Variants in FAM117B observed in about 807,000 individuals in gnomAD.
FAM117B encodes the protein protein FAM117B.
In FAM117B, 22 loss-of-function variants were observed where a neutral mutation model predicts 52.8. The ratio of observed to expected loss-of-function variants is 0.42; its 90% confidence interval spans 0.30 to 0.59. The LOEUF is 0.59. Ranked by LOEUF, FAM117B falls within the 20% of genes least tolerant of loss-of-function variation. The pLI, the probability that FAM117B is intolerant of heterozygous loss-of-function variation, is 0.22. For missense variants in FAM117B, 678 were observed against 802.6 expected, an observed-to-expected ratio of 0.84 and a Z score of 1.88; for synonymous variants, 309 against 324.1, an observed-to-expected ratio of 0.95 and a Z score of 0.50.
At chr2:202,703,775 C>G (rs938184481) in intron 2 of FAM117B, among the ~76,000 whole-genome samples, 6 of 152,180 alleles carry the variant, frequency 3.9e-5, no homozygotes, top group African/African-American at 1.4e-4. Flanking sequence ...AACAATGCTG[C>G]AGTGTACATG....
intron 1 of FAM117B, among the ~76,000 whole-genome samples, chr2:202,686,812 A>G (rs544091614): frequency 3.8e-4 from 58 of 152,216 alleles, no homozygotes; most frequent in African/African-American, 1.3e-3. Context: ...GGTCAAAAAA[A>G]AAAAAAGAGG....
chr2:202,697,860 T>TTTTTTA (rs1225207244), intron 2 of FAM117B, among the ~76,000 whole-genome samples: 4 of 151,294 alleles, frequency 2.6e-5, no homozygotes, highest in African/African-American at 4.9e-5. Flanking sequence ...CGAGATAATG[T>TTTTTTA]TTTTTATTTT....
At chr2:202,722,007 A>ATTTTTT (rs57678317) in intron 2 of FAM117B, among the ~76,000 whole-genome samples, 2 of 128,606 alleles carry the variant, frequency 1.6e-5, no homozygotes, top group Non-Finnish European at 3.3e-5. Context: ...TAAAGATACA[A>ATTTTTT]TTTTTTTTTT....
intron 4 of FAM117B, among the ~76,000 whole-genome samples, chr2:202,735,647 C>T (rs1691426430): frequency 1.3e-5 from 2 of 152,116 alleles, no homozygotes; most frequent in African/African-American, 2.4e-5. Context: ...GAAAATATAG[C>T]CAACACATTT....
chr2:202,720,514 T>C (rs1342830821), intron 2 of FAM117B, among the ~76,000 whole-genome samples: 3 of 151,994 alleles, frequency 2.0e-5, no homozygotes, highest in Non-Finnish European at 4.4e-5. Flanking sequence ...ATTTTCTATA[T>C]AGCTACAACA....
chr2:202,752,859 T>C lies in FAM117B; in HGVS notation c.961-2679T>C, dbSNP rs771027479. Among the ~76,000 whole-genome samples the C allele has an allele frequency of 1.8e-4, 27 of 152,214 alleles. 1 individual carries two copies. Among genetic ancestry groups the C allele is most frequent in the Non-Finnish European group, 3.2e-4 (22 of 68,032 alleles). ...AAGTAATACTGTGACAATAAAAACA[T>C]TTTTAATTTAAAAATCTCTACATAG... On this transcript the variant is annotated intron_variant, in intron 4 of 7. Transcript: ENST00000392238.
intron 2 of FAM117B, among the ~76,000 whole-genome samples, chr2:202,704,205 TAAAGA>T (rs1371577831): frequency 6.6e-6 from 1 of 152,146 alleles, no homozygotes; most frequent in African/African-American, 2.4e-5. Flanking sequence ...GAAGATTAAA[TAAAGA>T]AAACATATAA....
intron 1 of FAM117B, among the ~76,000 whole-genome samples, chr2:202,646,087 C>G (rs1387504836): frequency 6.8e-6 from 1 of 148,068 alleles, no homozygotes; most frequent in Non-Finnish European, 1.5e-5. Context: ...AGTGCAGTGG[C>G]ACTATCTTGG....
At chr2:202,667,876 A>T (rs1690229238) in intron 1 of FAM117B, among the ~76,000 whole-genome samples, 1 of 151,802 alleles carries the variant, frequency 6.6e-6, no homozygotes, top group Admixed American at 6.6e-5. Flanking sequence ...AGAGTAGTGG[A>T]TTGAGGTTAT....
rs112460462 is a variant in FAM117B, at chr2:202,768,811, C to T, written c.*3047C>T. 12 of 152,146 alleles carry T rather than the reference C, an allele frequency of 7.9e-5. 1 individual carries two copies. Among genetic ancestry groups the T allele is most frequent in the African/African-American group, 2.9e-4 (12 of 41,530 alleles). The allele number at this position is 152,146 out of a possible 1,614,324, so 9.4% of individuals were successfully genotyped here. ...ATTTTATAAAAATTTATTTCCATTG[C>T]ATTAAAAGAAATGGGTAGCATGTGT... On this transcript the variant is annotated 3_prime_UTR_variant, in exon 8 of 8. Transcript: ENST00000392238.
intron 4 of FAM117B, among the ~76,000 whole-genome samples, chr2:202,740,217 G>A (rs753929789): frequency 1.2e-4 from 14 of 113,470 alleles, no homozygotes; most frequent in South Asian, 2.9e-4. Context: ...CAAATTAGCC[G>A]AGTGTGGTGG....
intron 2 of FAM117B, among the ~76,000 whole-genome samples, chr2:202,724,080 C>T (rs1176216971): frequency 8.1e-5 from 6 of 74,514 alleles, no homozygotes; most frequent in Admixed American, 6.5e-4. Context: ...TTTTTTGAGA[C>T]GGAGCCTCCC....
chr2:202,750,512 CAAACAA>C (rs1691705805), intron 4 of FAM117B, among the ~76,000 whole-genome samples: 2 of 152,272 alleles, frequency 1.3e-5, no homozygotes, highest in African/African-American at 4.8e-5. Context: ...GACCCTGTCT[CAAACAA>C]CAACAACAAA....
At chr2:202,691,698 T>TGTGCGCGCGC (rs1476079292) in intron 1 of FAM117B, among the ~76,000 whole-genome samples, 1 of 131,088 alleles carries the variant, frequency 7.6e-6, no homozygotes, top group Admixed American at 7.5e-5. Flanking sequence ...TGTGTGTGTG[T>TGTGCGCGCGC]GCGCGCGCGC....
chr2:202,641,641 C>CT lies in FAM117B; in HGVS notation c.601+5868dup, dbSNP rs36085021. The stretch of plus-strand genomic sequence containing the variant: ...ATCTCAATATTAGATATTTTATTTT[C>CT]TTTTTTTTTTTTTTTGAGATGGAGT... On this transcript the variant is annotated intron_variant, in intron 1 of 7. Transcript: ENST00000392238. 9.9e-4 allele frequency among the ~76,000 whole-genome samples: 139 copies of CT among 140,226 alleles called. 2 individuals carry two copies. Among genetic ancestry groups the CT allele is most frequent in the East Asian group, 5.0e-3 (24 of 4,818 alleles). The allele number at this position is 140,226 out of a possible 152,430, so 92.0% of individuals were successfully genotyped here. A position where few individuals can be genotyped will look rare whatever the true frequency, so the allele number is the denominator to read the frequency against.
intron 1 of FAM117B, among the ~76,000 whole-genome samples, chr2:202,665,056 A>T (rs879791878): frequency 3.3e-5 from 5 of 152,180 alleles, no homozygotes; most frequent in African/African-American, 1.2e-4. Flanking sequence ...TGGAGTTGAC[A>T]GAATCCAGTT....
At chr2:202,673,738 G>T (rs1353246381) in intron 1 of FAM117B, among the ~76,000 whole-genome samples, 1 of 152,002 alleles carries the variant, frequency 6.6e-6, no homozygotes, top group African/African-American at 2.4e-5. Context: ...GTGAGCCACT[G>T]TGCCCGGCCT....
intron 4 of FAM117B, among the ~76,000 whole-genome samples, chr2:202,733,446 G>A (rs1277532318): frequency 6.6e-6 from 1 of 152,122 alleles, no homozygotes; most frequent in Non-Finnish European, 1.5e-5. Context: ...CAGGAGACCA[G>A]GGCATATTTC....
At chr2:202,692,405 C>G (rs1690647176) in intron 1 of FAM117B, among the ~76,000 whole-genome samples, 1 of 151,938 alleles carries the variant, frequency 6.6e-6, no homozygotes, top group Admixed American at 6.6e-5. Context: ...CTGTAATGTA[C>G]CACATAGTAA....
Sources: gnomAD v4.1 joint callset for allele counts (sites outside exome capture counted in the v4.1 genomes callset) on GRCh38, gnomAD v4.1.1 for gene constraint, MANE v1.5 for transcripts, NCBI Gene and HGNC (gene_info 2026-07-23, HGNC 2026-07-21) for gene names.